The following SPIDR variants were observed in gnomAD, a reference collection of about 807,000 sequenced individuals.
The protein encoded by SPIDR is scaffold protein involved in DNA repair, also known as DNA repair-scaffolding protein.
In SPIDR, 93 loss-of-function variants were observed where a neutral mutation model predicts 104.6. That is an observed-to-expected ratio of 0.89 (90% CI 0.75 to 1.06). The LOEUF is 1.06. Ranked by LOEUF, SPIDR falls within the 50% of genes least tolerant of loss-of-function variation. The pLI is 0.00. For synonymous variants in SPIDR, 431 were observed against 416.9 expected (o/e 1.03, Z -0.41); for missense variants, 1,154 against 1,111.2 (o/e 1.04, Z -0.55).
At chr8:47,382,206 C>A (rs1077262) in intron 5 of SPIDR, among the ~76,000 whole-genome samples, 10,328 of 152,158 alleles carry the variant, frequency 0.068, 449 homozygotes, top group Middle Eastern at 0.14. Context: ...TGTAGACTGT[C>A]ATACATGGAC....
At chr8:47,509,915 C>T (rs1332431697) in intron 8 of SPIDR, among the ~76,000 whole-genome samples, 1 of 152,076 alleles carries the variant, frequency 6.6e-6, no homozygotes, top group Admixed American at 6.6e-5. Context: ...ATACCACACA[C>T]ATGCACACAC....
chr8:47,339,523 G>A (rs946762038), intron 5 of SPIDR, among the ~76,000 whole-genome samples: 2 of 151,974 alleles, frequency 1.3e-5, no homozygotes, highest in African/African-American at 2.4e-5. Flanking sequence ...AAGTACTGGG[G>A]CTTGTGAAAA....
intron 16 of SPIDR, among the ~76,000 whole-genome samples, chr8:47,724,552 G>A (rs775465986): frequency 6.6e-6 from 1 of 152,224 alleles, no homozygotes; most frequent in African/African-American, 2.4e-5. Context: ...CCGCTGCATG[G>A]CTCCAAGGGG....
At chr8:47,273,427 C>T (rs966993735) in intron 1 of SPIDR, among the ~76,000 whole-genome samples, 17 of 152,088 alleles carry the variant, frequency 1.1e-4, no homozygotes, top group South Asian at 4.1e-4. Flanking sequence ...AGCACATGAA[C>T]GGCCAGATGA....
chr8:47,282,451 T>C (rs2037980241), intron 2 of SPIDR, among the ~76,000 whole-genome samples: 1 of 152,268 alleles, frequency 6.6e-6, no homozygotes, highest in African/African-American at 2.4e-5. Context: ...CTGGATCACT[T>C]CCTGCATTAC....
At chr8:47,467,660 AC>A (rs1382398574) in intron 8 of SPIDR, among the ~76,000 whole-genome samples, 1 of 152,002 alleles carries the variant, frequency 6.6e-6, no homozygotes, top group Non-Finnish European at 1.5e-5. Flanking sequence ...AAAATTCAAA[AC>A]CCTTTCATGT....
intron 8 of SPIDR, among the ~76,000 whole-genome samples, chr8:47,571,871 A>G (rs1009299125): frequency 4.6e-5 from 7 of 152,168 alleles, no homozygotes; most frequent in East Asian, 1.9e-4. Flanking sequence ...GTGCTCACCT[A>G]TTTTCGTACC....
chr8:47,350,780 A>T (rs2053350152), intron 5 of SPIDR, among the ~76,000 whole-genome samples: 1 of 152,220 alleles, frequency 6.6e-6, no homozygotes, highest in Non-Finnish European at 1.5e-5. Flanking sequence ...ATAACATTTG[A>T]GAAACAACTT....
intron 8 of SPIDR, among the ~76,000 whole-genome samples, chr8:47,539,856 C>T (rs940916480): frequency 1.3e-5 from 2 of 152,120 alleles, no homozygotes; most frequent in Non-Finnish European, 2.9e-5. Flanking sequence ...CTGGGTTCCT[C>T]TCTCTCCATG....
chr8:47,502,684 G>C (rs2080727053), intron 8 of SPIDR, among the ~76,000 whole-genome samples: 1 of 152,122 alleles, frequency 6.6e-6, no homozygotes, highest in Non-Finnish European at 1.5e-5. Context: ...GCTAGCTTTT[G>C]AATGTGTTTG....
chr8:47,359,218 A>G (rs1554628201), intron 5 of SPIDR, among the ~76,000 whole-genome samples: 1 of 149,190 alleles, frequency 6.7e-6, no homozygotes, highest in Non-Finnish European at 1.5e-5. Context: ...TGCAGTCCGC[A>G]GTCCGGCCTG....
intron 8 of SPIDR, among the ~76,000 whole-genome samples, chr8:47,567,979 C>T (rs966863872): frequency 1.3e-5 from 2 of 151,506 alleles, no homozygotes; most frequent in Non-Finnish European, 2.9e-5. Flanking sequence ...GTAGAGATGG[C>T]GGTCTCATAC....
At chr8:47,347,935 T>C (rs782428772) in intron 5 of SPIDR, among the ~76,000 whole-genome samples, 11 of 152,218 alleles carry the variant, frequency 7.2e-5, no homozygotes, top group Non-Finnish European at 1.2e-4. Context: ...TTGGGGCATT[T>C]AGCCCATTTA....
intron 7 of SPIDR, among the ~76,000 whole-genome samples, chr8:47,429,964 C>G (rs782007711): frequency 1.3e-5 from 2 of 152,106 alleles, no homozygotes; most frequent in Non-Finnish European, 2.9e-5. Context: ...AAAGCTATCC[C>G]TCCTATTTCC....
intron 2 of SPIDR, among the ~76,000 whole-genome samples, chr8:47,283,151 C>T (rs1307554003): frequency 1.3e-5 from 2 of 152,202 alleles, no homozygotes; most frequent in Non-Finnish European, 2.9e-5. Context: ...CCACTGTGCT[C>T]GGCCATTTCC....
chr8:47,674,158 C>T (rs939633811), intron 11 of SPIDR, among the ~76,000 whole-genome samples: 1 of 152,014 alleles, frequency 6.6e-6, no homozygotes, highest in Non-Finnish European at 1.5e-5. Flanking sequence ...TTTCATGATT[C>T]ATAATTTTAT....
At chr8:47,564,088 T>C (rs1468230888) in intron 8 of SPIDR, among the ~76,000 whole-genome samples, 7 of 136,642 alleles carry the variant, frequency 5.1e-5, no homozygotes, top group African/African-American at 2.0e-4. Context: ...TTTTTTTTTT[T>C]TTTTTTTTTG....
At chr8:47,283,991 T>C in intron 2 of SPIDR, 37 bp from the exon 3 acceptor site, 4 of 1,506,456 alleles carry the variant, frequency 2.7e-6, no homozygotes, top group Non-Finnish European at 3.6e-6. Flanking sequence ...TTTTAGCATT[T>C]GTCACATAAA....
At chr8:47,322,719 A>C (rs1345516016) in intron 5 of SPIDR, among the ~76,000 whole-genome samples, 4 of 152,232 alleles carry the variant, frequency 2.6e-5, no homozygotes, top group Non-Finnish European at 4.4e-5. Context: ...CTGGATTAAG[A>C]AAATGTGGCA....
Sources: allele counts gnomAD v4.1 joint callset (sites outside exome capture counted in the v4.1 genomes callset), GRCh38; gene constraint gnomAD v4.1.1; transcripts MANE v1.5; gene names NCBI Gene and HGNC (gene_info 2026-07-23, HGNC 2026-07-21).